GKAP1: variants seen among roughly 807,000 people sequenced by gnomAD.
The protein encoded by GKAP1 is G kinase anchoring protein 1.
GKAP1 carries 31 observed loss-of-function variants against 56.7 expected under a neutral mutation model. That is an observed-to-expected ratio of 0.55 (90% CI 0.41 to 0.74). The LOEUF (loss-of-function observed/expected upper bound fraction) is 0.74, where lower values mean the gene tolerates loss of function less well. GKAP1 is among the 30% of genes least tolerant of loss of function. GKAP1 has a pLI of 0.00. For synonymous variants in GKAP1, 151 were observed against 138.6 expected (o/e 1.09, Z -0.63); for missense variants, 364 against 402.3 (o/e 0.90, Z 0.82).
intron 2 of GKAP1, 26 bp from the exon 3 acceptor site, chr9:83,806,586 G>T: frequency 7.8e-7 from 1 of 1,286,800 alleles, no homozygotes; most frequent in Non-Finnish European, 1.1e-6. Context: ...AGAGTAGGCA[G>T]ATGGGTAAAC....
rs28655802 is a variant in GKAP1 at position 83,812,259 on chromosome 9, G to A, written c.-44+4737C>T. 7.6e-3 allele frequency among the ~76,000 whole-genome samples: 1,085 copies of A among 141,906 alleles called. 29 individuals carry two copies. The highest frequency in any genetic ancestry group is 0.038 in the East Asian group (187 of 4,904). 93.1% of individuals were successfully genotyped at this position (141,906 alleles called of 152,430 possible). ...TACATATATACGTATATATGTATAC[G>A]TATATATACACATATATATACACAT... is the stretch of plus-strand genomic sequence containing the variant. On this transcript the variant is annotated intron_variant, in intron 2 of 12. Transcript: ENST00000376371.
intron 4 of GKAP1, among the ~76,000 whole-genome samples, chr9:83,792,166 C>T (rs1203430561): frequency 1.3e-5 from 2 of 152,094 alleles, no homozygotes; most frequent in Non-Finnish European, 2.9e-5. Flanking sequence ...ATCAACTGTA[C>T]AAGGTAGTTT....
chr9:83,749,517 T>C (rs1943351466), intron 9 of GKAP1, among the ~76,000 whole-genome samples: 1 of 152,144 alleles, frequency 6.6e-6, no homozygotes, highest in African/African-American at 2.4e-5. Context: ...CGTGAGCCAC[T>C]GCGCCCAAGC....
rs1415258540 is a variant in GKAP1 at position 83,804,381 on chromosome 9, G to A, written c.216+1921C>T. On this transcript the variant is annotated intron_variant, in intron 3 of 12. Coordinates refer to ENST00000376371, the MANE Select transcript of GKAP1 (RefSeq NM_025211.4). The stretch of plus-strand genomic sequence containing the variant: ...AGCCCCCCGCCCGGCCAGCCGCCCC[G>A]TCCGGGAGGGAGGTGGGGGGGGTCA... Among the ~76,000 whole-genome samples the A allele has an allele frequency of 2.2e-4, 23 of 106,778 alleles. No individual in the cohort carries two copies. In the East Asian group the frequency reaches 2.3e-3, roughly 11 times the overall value. The allele number at this position is 106,778 out of a possible 152,430, so 70.1% of individuals were successfully genotyped here. A position where few individuals can be genotyped will look rare whatever the true frequency, so the allele number is the denominator to read the frequency against.
Position 83,779,348 on chromosome 9 carries a change from A to AT in GKAP1, c.585+1033dup, listed in dbSNP as rs573985391. On this transcript the variant is annotated intron_variant, in intron 7 of 12. Transcript: ENST00000376371. ...ACAATCACAAAATTATTTAGATGTG[A>AT]TTTTTTTTAAGAGATAGATTTCGTT... 6.0e-3 allele frequency among the ~76,000 whole-genome samples: 897 copies of AT among 150,414 alleles called. 4 individuals are homozygous for AT. The highest frequency in any genetic ancestry group is 9.1e-3 in the Non-Finnish European group (616 of 67,518).
chr9:83,776,603 C>G (rs1281171717), intron 7 of GKAP1, among the ~76,000 whole-genome samples: 1 of 151,934 alleles, frequency 6.6e-6, no homozygotes. Context: ...GACTGAGGCA[C>G]GAGAATCGCT....
At chr9:83,778,376 T>A (rs1279429645) in intron 7 of GKAP1, among the ~76,000 whole-genome samples, 1 of 152,110 alleles carries the variant, frequency 6.6e-6, no homozygotes, top group Non-Finnish European at 1.5e-5. Flanking sequence ...TAAAAAAGAA[T>A]GAGACTGTGT....
intron 6 of GKAP1, among the ~76,000 whole-genome samples, chr9:83,782,950 G>C (rs937835033): frequency 6.6e-6 from 1 of 152,126 alleles, no homozygotes; most frequent in Non-Finnish European, 1.5e-5. Flanking sequence ...GATTACAGGC[G>C]TGAGCCACCA....
At chr9:83,773,734 G>C (rs1254674561) in intron 7 of GKAP1, among the ~76,000 whole-genome samples, 1 of 151,780 alleles carries the variant, frequency 6.6e-6, no homozygotes, top group Non-Finnish European at 1.5e-5. Flanking sequence ...CATTTTGTTT[G>C]GTTTCTTAAC....
chr9:83,781,138 G>A (rs62561880), intron 6 of GKAP1, among the ~76,000 whole-genome samples: 26,670 of 152,080 alleles, frequency 0.18, 2,904 homozygotes, highest in Non-Finnish European at 0.24. Flanking sequence ...CCAGGCGGGC[G>A]GATCACCTGA....
chr9:83,743,010 A>C (rs981318228), intron 10 of GKAP1, among the ~76,000 whole-genome samples: 7 of 152,028 alleles, frequency 4.6e-5, no homozygotes, highest in Non-Finnish European at 1.0e-4. Flanking sequence ...ATATTATACA[A>C]AAATTATCCA....
chr9:83,756,567 A>G (rs1238827188), intron 8 of GKAP1, among the ~76,000 whole-genome samples: 3 of 151,710 alleles, frequency 2.0e-5, no homozygotes, highest in Non-Finnish European at 4.4e-5. Flanking sequence ...TCCATCTAAC[A>G]GTTTCTACAT....
chr9:83,756,499 A>C (rs1158542719), intron 8 of GKAP1, among the ~76,000 whole-genome samples: 2 of 138,980 alleles, frequency 1.4e-5, no homozygotes, highest in South Asian at 2.4e-4. Context: ...AAAAGAAAAC[A>C]AAACAAAAAG....
rs190333218 is a variant in GKAP1 at position 83,770,035 on chromosome 9, C to T, written c.586-1065G>A. Among the ~76,000 whole-genome samples, 312 of 152,234 alleles carry T rather than the reference C, an allele frequency of 2.0e-3. 4 individuals carry two copies. The highest frequency in any genetic ancestry group is 7.2e-3 in the African/African-American group (297 of 41,536). The stretch of plus-strand genomic sequence containing the variant: ...GAGAAATGTCTTCTCAGATCCTTTG[C>T]CCATTTTTTAACTGGGTTACTTGTT... On this transcript the variant is annotated intron_variant, in intron 7 of 12. Transcript: ENST00000376371.
At chr9:83,778,153 A>C (rs1943893623) in intron 7 of GKAP1, among the ~76,000 whole-genome samples, 1 of 152,168 alleles carries the variant, frequency 6.6e-6, no homozygotes. Flanking sequence ...TCCTCAAAGA[A>C]CTAAAAACAG....
Position 83,784,764 on chromosome 9 carries a change from CTGA to C in GKAP1, c.510_512del (p.His170del), listed in dbSNP as rs1944036214. 1 of 1,605,148 alleles carries C rather than the reference CTGA, an allele frequency of 6.2e-7. No individual in the cohort carries two copies. Among genetic ancestry groups the C allele is most frequent in the African/African-American group, 1.3e-5 (1 of 74,732 alleles). ...ATACTGTGAGAGGTCTGTCTTTTCC[CTGA>C]TGATTCTTTCTTTTATCTTTTTTAT... is the stretch of plus-strand genomic sequence containing the variant. On this transcript the variant is annotated inframe_deletion, in exon 6 of 13. Coordinates refer to ENST00000376371, the MANE Select transcript of GKAP1 (RefSeq NM_025211.4).
chr9:83,792,196 T>C (rs1053938224), intron 4 of GKAP1, among the ~76,000 whole-genome samples: 3 of 152,182 alleles, frequency 2.0e-5, no homozygotes, highest in African/African-American at 7.2e-5. Context: ...AAAGTTGTAA[T>C]ATGTATGAAG....
chr9:83,770,919 AAAGAT>A (rs1479654089), intron 7 of GKAP1, among the ~76,000 whole-genome samples: 2 of 152,206 alleles, frequency 1.3e-5, no homozygotes, highest in Admixed American at 1.3e-4. Context: ...AAGATTTTTA[AAAGAT>A]AAGATTTTTA....
At chr9:83,749,710 ATG>A (rs1303257934) in intron 9 of GKAP1, among the ~76,000 whole-genome samples, 2 of 152,208 alleles carry the variant, frequency 1.3e-5, no homozygotes, top group Non-Finnish European at 2.9e-5. Flanking sequence ...ACAAATTAAA[ATG>A]TGTTTTAAGT....
Sources: allele counts gnomAD v4.1 joint callset (sites outside exome capture counted in the v4.1 genomes callset), GRCh38; gene constraint gnomAD v4.1.1; transcripts MANE v1.5; gene names NCBI Gene and HGNC (gene_info 2026-07-23, HGNC 2026-07-21).